SH3TC1: variants seen among roughly 807,000 people sequenced by gnomAD.
SH3TC1 encodes the protein SH3 domain and tetratricopeptide repeat-containing protein 1.
Under a neutral mutation model 117.3 loss-of-function variants are expected in SH3TC1, and 135 were observed. The observed-to-expected ratio is 1.15, with a 90% CI of 1.00 to 1.33. The LOEUF (loss-of-function observed/expected upper bound fraction) is 1.33. Ranked by LOEUF, SH3TC1 falls within the 40% of genes most tolerant of loss-of-function variation. The pLI, the probability that SH3TC1 is intolerant of heterozygous loss-of-function variation, is 0.00. For synonymous variants in SH3TC1, 898 were observed against 816.9 expected, an observed-to-expected ratio of 1.10 and a Z score of -1.69; for missense variants, 2,092 against 1,794.3, an observed-to-expected ratio of 1.17 and a Z score of -3.00.
intron 12 of SH3TC1, chr4:8,231,394 C>G (rs1721191564): frequency 6.4e-6 from 1 of 155,246 alleles, no homozygotes; most frequent in Admixed American, 6.2e-5. Flanking sequence ...TAGATGTCCA[C>G]TCGGCGTACC....
At chr4:8,235,643 C>T (rs547258228) in intron 15 of SH3TC1, 88 bp downstream of exon 15, 1 of 1,442,758 alleles carries the variant, frequency 6.9e-7, no homozygotes, top group Admixed American at 2.5e-5. Flanking sequence ...AGAGCCCTCG[C>T]ACCTGGAGGC....
chr4:8,219,595 G>A, intron 9 of SH3TC1, 65 bp downstream of exon 9: 4 of 1,383,610 alleles, frequency 2.9e-6, no homozygotes, highest in Non-Finnish European at 2.9e-6. Flanking sequence ...GGACGTTGCT[G>A]CGTCCACCTG....
chr4:8,240,881 G>T lies in SH3TC1; in HGVS notation c.3937G>T (p.Val1313Phe), dbSNP rs142058136. The T allele has an allele frequency of 1.9e-6, 3 of 1,613,258 alleles. No individual in the cohort carries two copies. Among genetic ancestry groups the T allele is most frequent in the African/African-American group, 2.7e-5 (2 of 74,930 alleles). Residue 1313 changes from valine (V) to phenylalanine (F), a missense_variant, in exon 18 of 18, where the codon GTC (valine) becomes TTC (phenylalanine). Coordinates refer to ENST00000245105, the MANE Select transcript of SH3TC1 (RefSeq NM_018986.5). ...KARTFATELN[V>F]RRVNLPPLPL... ...CAGGACCTTCGCCACAGAGCTCAACGTCCGCAGGGTCAACCTGCCTCCTCT... is the reference window on the plus strand; with the variant it reads ...CAGGACCTTCGCCACAGAGCTCAACTTCCGCAGGGTCAACCTGCCTCCTCT...
intron 17 of SH3TC1, among the ~76,000 whole-genome samples, chr4:8,239,160 T>A (rs1722087319): frequency 6.6e-6 from 1 of 151,838 alleles, no homozygotes; most frequent in Non-Finnish European, 1.5e-5. Context: ...TAGGGTGGAT[T>A]AGGTGTGTCC....
At chr4:8,229,658 G>T (rs1489892779) in intron 12 of SH3TC1, among the ~76,000 whole-genome samples, 2 of 151,864 alleles carry the variant, frequency 1.3e-5, no homozygotes, top group Admixed American at 6.6e-5. Context: ...TCAGGCTGTG[G>T]CTTGGCCTTT....
At position 8,225,221 on chromosome 4, in the gene SH3TC1, G is replaced by GT. The variant is rs772957541; in HGVS notation, c.1285+9dup. 1.8e-5 allele frequency: 29 copies of GT among 1,613,150 alleles called. No homozygotes were observed. The highest frequency in any genetic ancestry group is 2.4e-5 in the Non-Finnish European group (28 of 1,179,712). On this transcript the variant is annotated splice_donor_region_variant and intron_variant, in intron 11 of 17. Transcript: ENST00000245105. The surrounding 1 kb of genome is among the most constrained non-coding windows in gnomAD (Gnocchi z 5.5). ...CCGAGCAGCCGCAGGAAAAAGGTGG[G>GT]TTTTGCCAGTGGCTCAGGCTTCCTC...
chr4:8,201,048 T>G (rs954110402), intron 1 of SH3TC1, among the ~76,000 whole-genome samples: 1 of 152,142 alleles, frequency 6.6e-6, no homozygotes, highest in Non-Finnish European at 1.5e-5. Flanking sequence ...AAGGACAGTG[T>G]CACCCCAGGA....
rs528554335 is a variant in SH3TC1, at chr4:8,235,958, T to C, written c.3406-320T>C. 1.3e-4 allele frequency: 50 copies of C among 378,434 alleles called. 1 individual carries two copies. In the South Asian group the frequency reaches 2.7e-3, roughly 20 times the overall value. 23.4% of individuals were successfully genotyped at this position (378,434 alleles called of 1,614,324 possible). A position where few individuals can be genotyped will look rare whatever the true frequency, so the allele number is the denominator to read the frequency against. Reference sequence around the variant, plus strand: ...CGGCTTCCCCCTTCCTCTGAGCTCATGGTGTGGCTCAGCCCTGGGCACAGA... The same window carrying C: ...CGGCTTCCCCCTTCCTCTGAGCTCACGGTGTGGCTCAGCCCTGGGCACAGA... On this transcript the variant is annotated intron_variant, in intron 15 of 17. Coordinates refer to ENST00000245105, the MANE Select transcript of SH3TC1 (RefSeq NM_018986.5).
Position 8,232,035 on chromosome 4 carries a change from GC to G in SH3TC1, c.3013del (p.Gln1005SerfsTer139). On this transcript the variant is annotated frameshift_variant, in exon 13 of 18. Coordinates refer to ENST00000245105, the MANE Select transcript of SH3TC1 (RefSeq NM_018986.5). LOFTEE classifies it high-confidence loss of function. ...HFYSAVMPSE[A>X]QCVIYHELQL... ...CTACAGCGCCGTCATGCCCAGCGAG[GC>G]CCAGTGTGTCATCTACCATGAGCTC... 1 of 1,613,188 alleles carries G rather than the reference GC, an allele frequency of 6.2e-7. No homozygotes were observed. The highest frequency in any genetic ancestry group is 2.2e-5 in the East Asian group (1 of 44,880).
intron 15 of SH3TC1, 88 bp from the exon 16 acceptor site, chr4:8,236,190 A>G (rs1157607182): frequency 7.0e-7 from 1 of 1,418,658 alleles, no homozygotes; most frequent in Admixed American, 2.7e-5. Context: ...GGGGCGTGGG[A>G]AGCTCCGAGC....
At position 8,205,360 on chromosome 4, in the gene SH3TC1, A is replaced by G; in HGVS notation, c.166A>G (p.Arg56Gly). The stretch of plus-strand genomic sequence containing the variant: ...GCCCGAGGAGGCCAAGGCGCCAGTG[A>G]GAGGCGGTGAGTTCATTCCACCCTC... Reference protein sequence around the residue: ...AGPEEAKAPVRGDEAPPARVA... With the variant: ...AGPEEAKAPVGGDEAPPARVA... Residue 56 changes from arginine (R) to glycine (G), a missense_variant, in exon 2 of 18, where the codon AGA (arginine) becomes GGA (glycine). Physicochemically the swap from Arg to Gly is moderately radical, Grantham distance 125 (BLOSUM62 -2). Transcript: ENST00000245105. The surrounding 1 kb of genome is among the most constrained non-coding windows in gnomAD (Gnocchi z 5.4). 3 of 1,546,456 alleles carry G rather than the reference A, an allele frequency of 1.9e-6. No individual in the cohort carries two copies. Among genetic ancestry groups the G allele is most frequent in the Non-Finnish European group, 2.6e-6 (3 of 1,145,736 alleles).
chr4:8,219,262 G>T, intron 8 of SH3TC1, 73 bp from the exon 9 acceptor site: 1 of 1,421,480 alleles, frequency 7.0e-7, no homozygotes, highest in Non-Finnish European at 9.5e-7. Context: ...AGGGTGGCTG[G>T]CATCGGCCCT....
At chr4:8,238,617 C>T (rs548223199) in intron 17 of SH3TC1, among the ~76,000 whole-genome samples, 180 of 152,072 alleles carry the variant, frequency 1.2e-3, no homozygotes, top group African/African-American at 4.1e-3. Flanking sequence ...GGCCCCCGCC[C>T]GGTGCTGGGG....
rs562788402 is a variant in SH3TC1 at position 8,219,529 on chromosome 4, G to T, written c.1111G>T (p.Glu371Ter). Residue 371 changes from glutamate (E) to a stop codon, truncating the protein, a stop_gained and splice_region_variant, in exon 9 of 18, where the codon GAG becomes TAG. Coordinates refer to ENST00000245105, the MANE Select transcript of SH3TC1 (RefSeq NM_018986.5). LOFTEE classifies it high-confidence loss of function. The stretch of plus-strand genomic sequence containing the variant: ...CATCAGCATGCAGGGCCCCGTGTCC[G>T]AGTGAGTGGCTGGAGCCCCGCCCCT... ...SLISMQGPVS[E>*]LESAIFLNEE... is the part of the protein sequence containing the mutation. 1.9e-6 allele frequency: 3 copies of T among 1,550,684 alleles called. No individual in the cohort carries two copies. Among genetic ancestry groups the T allele is most frequent in the Admixed American group, 3.7e-5 (2 of 53,334 alleles).
intron 12 of SH3TC1, among the ~76,000 whole-genome samples, chr4:8,229,618 C>T (rs1185148297): frequency 1.3e-5 from 2 of 151,776 alleles, no homozygotes; most frequent in Non-Finnish European, 1.5e-5. Context: ...GTGAGAAGCT[C>T]TGCTGGAGAG....
rs771681586 is a variant in SH3TC1 at position 8,231,925 on chromosome 4, C to T, written c.2951-51C>T. ...CGCAGGGGCCTCTGAGCCCAGCCAG[C>T]CTCGCTTCAATGCTGGGAGGCTGAC... is the stretch of plus-strand genomic sequence containing the variant. On this transcript the variant is annotated intron_variant, in intron 12 of 17. Coordinates refer to ENST00000245105, the MANE Select transcript of SH3TC1 (RefSeq NM_018986.5). The T allele has an allele frequency of 4.4e-6, 7 of 1,591,922 alleles. No individual in the cohort carries two copies. The Admixed American group carries it at 8.4e-5, about 19-fold the overall frequency.
In SH3TC1 at chr4:8,232,164, C is replaced by T; in HGVS notation, c.3131+8C>T. 7.4e-7 allele frequency: 1 copy of T among 1,348,588 alleles called. No individual in the cohort carries two copies. Among genetic ancestry groups the T allele is most frequent in the Non-Finnish European group, 9.8e-7 (1 of 1,019,146 alleles). The allele number at this position is 1,348,588 out of a possible 1,614,324, so 83.5% of individuals were successfully genotyped here. Reference sequence around the variant, plus strand: ...GTCCCTGGGCACCGAGCGGTGAGGGCTGGCTCTGTGGTGGTGGGGGCGGGG... The same window carrying T: ...GTCCCTGGGCACCGAGCGGTGAGGGTTGGCTCTGTGGTGGTGGGGGCGGGG... On this transcript the variant is annotated splice_region_variant and intron_variant, in intron 13 of 17. Coordinates refer to ENST00000245105, the MANE Select transcript of SH3TC1 (RefSeq NM_018986.5).
Position 8,209,666 on chromosome 4 carries a change from G to C in SH3TC1, c.173-82G>C. 5 of 1,586,384 alleles carry C rather than the reference G, an allele frequency of 3.2e-6. No homozygotes were observed. Among genetic ancestry groups the C allele is most frequent in the Non-Finnish European group, 1.7e-6 (2 of 1,166,776 alleles). On this transcript the variant is annotated intron_variant, in intron 2 of 17. Transcript: ENST00000245105. The surrounding 1 kb of genome is among the most constrained non-coding windows in gnomAD (Gnocchi z 5.9). ...CAGAACTCACCTCTTTTCTTGCAGA[G>C]AGACCTGGAGCGTTTGGCGCCTTCA...
intron 1 of SH3TC1, among the ~76,000 whole-genome samples, chr4:8,187,501 C>G (rs1055825226): frequency 3.9e-5 from 6 of 152,096 alleles, no homozygotes; most frequent in African/African-American, 7.2e-5. Context: ...CCAGCTATCC[C>G]ATGACTTATT....
Sources: gnomAD v4.1 joint callset for allele counts (sites outside exome capture counted in the v4.1 genomes callset) on GRCh38, gnomAD v4.1.1 for gene constraint, Gnocchi (gnomAD v3.1) non-coding constraint, MANE v1.5 for transcripts, NCBI Gene and HGNC (gene_info 2026-07-23, HGNC 2026-07-21) for gene names.